COG4: variants seen among roughly 807,000 people sequenced by gnomAD.
The protein encoded by COG4 is conserved oligomeric Golgi complex subunit 4.
In COG4, 65 loss-of-function variants were observed where a neutral mutation model predicts 95.1. The ratio of observed to expected loss-of-function variants is 0.68; its 90% CI spans 0.56 to 0.84. COG4 has a LOEUF of 0.84. Ranked by LOEUF, COG4 falls within the 40% of genes least tolerant of loss-of-function variation. The pLI, the probability that COG4 is intolerant of heterozygous loss-of-function variation, is 0.00. For missense variants in COG4, 1,045 were observed against 989.1 expected, an observed-to-expected ratio of 1.06 and a Z score of -0.76; for synonymous variants, 421 against 374.8, an observed-to-expected ratio of 1.12 and a Z score of -1.42.
At chr16:70,504,608 TTAAAAA>T (rs1327717559) in intron 8 of COG4, among the ~76,000 whole-genome samples, 61 of 89,096 alleles carry the variant, frequency 6.8e-4, no homozygotes, top group Admixed American at 4.8e-3. Context: ...GAGATTCTAT[TTAAAAA>T]AAAAAAAAAA....
At chr16:70,485,741 A>G (rs2049117421) in intron 13 of COG4, among the ~76,000 whole-genome samples, 1 of 148,120 alleles carries the variant, frequency 6.8e-6, no homozygotes. Flanking sequence ...ACCCACCATC[A>G]TGCCCAGCTA....
At chr16:70,494,318 A>G (rs558138913) in intron 12 of COG4, among the ~76,000 whole-genome samples, 2 of 152,284 alleles carry the variant, frequency 1.3e-5, no homozygotes, top group Admixed American at 6.5e-5. Flanking sequence ...CAGCCCTAGT[A>G]AGCGTGGATT....
At chr16:70,497,650 G>C (rs973590719) in intron 10 of COG4, among the ~76,000 whole-genome samples, 7 of 152,162 alleles carry the variant, frequency 4.6e-5, no homozygotes, top group African/African-American at 7.2e-5. Flanking sequence ...ACTTCCCTGA[G>C]GCTCCTTACC....
rs375732745 is a variant in COG4, at chr16:70,519,607, G to C, written c.254+42C>G. 25 of 1,466,000 alleles carry C rather than the reference G, an allele frequency of 1.7e-5. 1 individual carries two copies. The highest frequency in any genetic ancestry group is 2.3e-5 in the Non-Finnish European group (24 of 1,046,420). 90.8% of individuals were successfully genotyped at this position (1,466,000 alleles called of 1,614,324 possible). The stretch of plus-strand genomic sequence containing the variant: ...AATGGTCACTTGTCCAATTGACCCT[G>C]TTGGAATTTACATTAGCTCTTGCTG... On this transcript the variant is annotated intron_variant, in intron 2 of 18. Coordinates refer to ENST00000323786, the MANE Select transcript of COG4 (RefSeq NM_015386.3).
intron 3 of COG4, among the ~76,000 whole-genome samples, chr16:70,516,927 C>T (rs879815226): frequency 1.1e-4 from 17 of 152,122 alleles, no homozygotes; most frequent in Non-Finnish European, 2.1e-4. Context: ...CCACACCTGG[C>T]TAATTTTTGT....
Position 70,496,272 on chromosome 16 carries a change from GGACA to G in COG4, c.1637_1640del (p.Met546ThrfsTer4). On this transcript the variant is annotated frameshift_variant, in exon 12 of 19. Coordinates refer to ENST00000323786, the MANE Select transcript of COG4 (RefSeq NM_015386.3). LOFTEE classifies it high-confidence loss of function. ...TGAGCTGTGGGGTACCTACCAGGAA[GGACA>G]TCTTCGCCTCGTCAGTACTCTCGAT... 1 of 1,614,172 alleles carries G rather than the reference GGACA, an allele frequency of 6.2e-7. No homozygotes were observed. The highest frequency in any genetic ancestry group is 8.5e-7 in the Non-Finnish European group (1 of 1,180,024).
intron 8 of COG4, among the ~76,000 whole-genome samples, chr16:70,506,449 G>A (rs1412373488): frequency 6.6e-6 from 1 of 150,960 alleles, no homozygotes; most frequent in Non-Finnish European, 1.5e-5. Flanking sequence ...AAAATTAACC[G>A]AGCGTGGTGG....
intron 8 of COG4, among the ~76,000 whole-genome samples, chr16:70,504,167 G>A (rs1367420137): frequency 6.6e-6 from 1 of 152,074 alleles, no homozygotes. Flanking sequence ...TTAAATCAGT[G>A]ATTTTCTACT....
At chr16:70,522,274 C>G (rs1441770065) in intron 1 of COG4, among the ~76,000 whole-genome samples, 1 of 149,764 alleles carries the variant, frequency 6.7e-6, no homozygotes, top group African/African-American at 2.5e-5. Context: ...GGATGGCAGG[C>G]GTGAGCCACC....
chr16:70,481,210 T>C lies in COG4; in HGVS notation c.2236-66A>G. 1.9e-6 allele frequency: 3 copies of C among 1,609,194 alleles called. No homozygotes were observed. In the South Asian group the frequency reaches 3.3e-5, roughly 18 times the overall value. On this transcript the variant is annotated intron_variant, in intron 18 of 18. Coordinates refer to ENST00000323786, the MANE Select transcript of COG4 (RefSeq NM_015386.3). ...TATTCTGAAAGAGGGCTCTGGCCTC[T>C]ACCAGGGGCAGAGCAGGGGCACCCG...
At position 70,480,925 on chromosome 16, in the gene COG4, A is replaced by T. The variant is rs7919; in HGVS notation, c.*85T>A. On this transcript the variant is annotated 3_prime_UTR_variant, in exon 19 of 19. Coordinates refer to ENST00000323786, the MANE Select transcript of COG4 (RefSeq NM_015386.3). ...TGGGCTGTCAGATCTCCCCCAAGCC[A>T]GACAGCCTCGCTCAGCTCCTTGGCT... 59 of 1,542,878 alleles carry T rather than the reference A, an allele frequency of 3.8e-5. No individual in the cohort carries two copies. Among genetic ancestry groups the T allele is most frequent in the South Asian group, 2.7e-4 (24 of 89,042 alleles).
chr16:70,516,145 A>C (rs1355324314), intron 3 of COG4: 1 of 437,124 alleles, frequency 2.3e-6, no homozygotes, highest in Non-Finnish European at 4.6e-6. Flanking sequence ...TATTATTAGG[A>C]TGGTGCAAAA....
chr16:70,494,152 A>C (rs895788666), intron 12 of COG4, among the ~76,000 whole-genome samples: 9 of 152,216 alleles, frequency 5.9e-5, no homozygotes, highest in African/African-American at 2.2e-4. Context: ...GAGGCCTCTA[A>C]TGTCACAAGT....
intron 4 of COG4, 120 bp from the exon 5 acceptor site, chr16:70,512,552 T>C (rs2049731378): frequency 2.4e-6 from 2 of 822,146 alleles, no homozygotes; most frequent in Non-Finnish European, 4.1e-6. Flanking sequence ...ATGTGCAAGA[T>C]GCTGTGCTAG....
chr16:70,512,422 A>G lies in COG4; in HGVS notation c.555T>C (p.Ile185=). 1.2e-6 allele frequency: 2 copies of G among 1,613,946 alleles called. No individual in the cohort carries two copies. The highest frequency in any genetic ancestry group is 1.7e-6 in the Non-Finnish European group (2 of 1,179,890). ...CCTGCAGCAATTTCAGGTTGGCATCAATCATGCTCCCTGCTCAACAGGGAG... is the reference window on the plus strand; with the variant it reads ...CCTGCAGCAATTTCAGGTTGGCATCGATCATGCTCCCTGCTCAACAGGGAG... ...LSRQGKEGSM[I]DANLKLLQEA... The change falls in exon 5 of 19, where the codon ATT becomes ATC. Residue 185 remains isoleucine, a synonymous_variant. Coordinates refer to ENST00000323786, the MANE Select transcript of COG4 (RefSeq NM_015386.3).
intron 13 of COG4, among the ~76,000 whole-genome samples, chr16:70,487,827 T>A (rs557828561): frequency 1.3e-5 from 2 of 152,278 alleles, no homozygotes; most frequent in African/African-American, 4.8e-5. Context: ...TTTTACTTTT[T>A]TTTTTATGTT....
At chr16:70,482,499 G>A in intron 15 of COG4, 1 of 613,734 alleles carries the variant, frequency 1.6e-6, no homozygotes, top group Non-Finnish European at 2.9e-6. Context: ...GGCAAAAAGA[G>A]CTCCAATAAG....
intron 14 of COG4, among the ~76,000 whole-genome samples, chr16:70,483,530 A>C (rs1221320641): frequency 6.6e-6 from 1 of 152,034 alleles, no homozygotes; most frequent in Non-Finnish European, 1.5e-5. Context: ...CAGAATGCTC[A>C]ATGTTAGGCA....
intron 1 of COG4, 177 bp downstream of exon 1, chr16:70,523,196 C>G: frequency 1.4e-6 from 1 of 698,494 alleles, no homozygotes; most frequent in Non-Finnish European, 2.4e-6. Flanking sequence ...TCGGCGCGTC[C>G]GACAGCGTGA....
Sources: allele counts gnomAD v4.1 joint callset (sites outside exome capture counted in the v4.1 genomes callset), GRCh38; gene constraint gnomAD v4.1.1; transcripts MANE v1.5; gene names NCBI Gene and HGNC (gene_info 2026-07-23, HGNC 2026-07-21).